The following SP2 variants were observed in gnomAD, a reference collection of about 807,000 sequenced individuals.
The protein encoded by SP2 is Sp2 transcription factor, also known as transcription factor Sp2.
Under a neutral mutation model 50.1 loss-of-function variants are expected in SP2, and 9 were observed. That is an observed-to-expected ratio of 0.18 (90% confidence interval 0.11 to 0.31). The LOEUF (loss-of-function observed/expected upper bound fraction) is 0.31. Ranked by LOEUF, SP2 falls within the 10% of genes least tolerant of loss-of-function variation. The probability of loss-of-function intolerance (pLI) is 1.00; values close to 1 mark genes in which losing one functional copy is unlikely to be tolerated. For missense variants in SP2, 581 were observed against 806.5 expected (o/e 0.72, Z 3.39); for synonymous variants, 313 against 326.6 (o/e 0.96, Z 0.45).
At chr17:47,925,930 T>TTTTTTC (rs2035628780) in intron 6 of SP2, among the ~76,000 whole-genome samples, 1 of 107,082 alleles carries the variant, frequency 9.3e-6, no homozygotes, top group African/African-American at 3.4e-5. Context: ...TTTTTTTTTT[T>TTTTTTC]TTTGGAGATG....
At chr17:47,924,303 T>G (rs2035568419) in intron 4 of SP2, among the ~76,000 whole-genome samples, 1 of 139,644 alleles carries the variant, frequency 7.2e-6, no homozygotes, top group Non-Finnish European at 1.5e-5. Flanking sequence ...GCCCGGCCAA[T>G]TTTTTAGTTT....
Position 47,899,234 on chromosome 17 carries a change from C to G in SP2, c.7+2941C>G, listed in dbSNP as rs550913430. On this transcript the variant is annotated intron_variant, in intron 1 of 6. Coordinates refer to ENST00000376741, the MANE Select transcript of SP2 (RefSeq NM_003110.6). Reference sequence around the variant, plus strand: ...TGCTCTTCCTCAATTATCAGCAGATCTTTTTTTGGCTAGCAGCATTCTCTT... The same window carrying G: ...TGCTCTTCCTCAATTATCAGCAGATGTTTTTTTGGCTAGCAGCATTCTCTT... The G allele has an allele frequency of 3.9e-5, 6 of 152,272 alleles. No individual in the cohort carries two copies. The East Asian group carries it at 1.2e-3, about 29-fold the overall frequency. 9.4% of individuals were successfully genotyped at this position (152,272 alleles called of 1,614,324 possible). A position where few individuals can be genotyped will look rare whatever the true frequency, so the allele number is the denominator to read the frequency against.
intron 1 of SP2, among the ~76,000 whole-genome samples, chr17:47,907,139 A>G (rs904470226): frequency 6.6e-6 from 1 of 152,012 alleles, no homozygotes; most frequent in African/African-American, 2.4e-5. Flanking sequence ...GCCAGGGTGG[A>G]TGTCCTAATG....
At chr17:47,927,145 T>C (rs1374463208) in intron 6 of SP2, among the ~76,000 whole-genome samples, 1 of 152,116 alleles carries the variant, frequency 6.6e-6, no homozygotes, top group Non-Finnish European at 1.5e-5. Context: ...GGAAGACTCT[T>C]AGGTGCAGAG....
At chr17:47,920,399 G>C (rs1466408220) in intron 3 of SP2, among the ~76,000 whole-genome samples, 1 of 151,250 alleles carries the variant, frequency 6.6e-6, no homozygotes, top group Non-Finnish European at 1.5e-5. Flanking sequence ...AAGCAATTCT[G>C]CCTCAGCCTC....
At chr17:47,922,638 T>C (rs1598163415) in intron 3 of SP2, among the ~76,000 whole-genome samples, 1 of 152,260 alleles carries the variant, frequency 6.6e-6, no homozygotes, top group African/African-American at 2.4e-5. Flanking sequence ...TCTTAAAAAC[T>C]AAAGTGAACC....
intron 1 of SP2, among the ~76,000 whole-genome samples, chr17:47,903,423 T>C (rs1888079373): frequency 6.6e-6 from 1 of 151,558 alleles, no homozygotes; most frequent in Admixed American, 6.6e-5. Flanking sequence ...CCCAGCACTT[T>C]GGGAGGCCGA....
At chr17:47,900,347 C>T (rs181147199) in intron 1 of SP2, 1 of 152,314 alleles carries the variant, frequency 6.6e-6, no homozygotes, top group African/African-American at 2.4e-5. Flanking sequence ...TCTCTGCTCT[C>T]AATTGATAAT....
At position 47,927,938 on chromosome 17, in the gene SP2, G is replaced by C; in HGVS notation, c.*114G>C. 1 of 670,352 alleles carries C rather than the reference G, an allele frequency of 1.5e-6. No homozygotes were observed. Among genetic ancestry groups the C allele is most frequent in the South Asian group, 1.7e-5 (1 of 58,712 alleles). The allele number at this position is 670,352 out of a possible 1,614,324, so 41.5% of individuals were successfully genotyped here. A position where few individuals can be genotyped will look rare whatever the true frequency, so the allele number is the denominator to read the frequency against. ...TGGGCCTGCCCTCAGCCCCACTCCT[G>C]TTCTGCAACTGTCCCCACAGGAAGG... is the stretch of plus-strand genomic sequence containing the variant. On this transcript the variant is annotated 3_prime_UTR_variant, in exon 7 of 7. Coordinates refer to ENST00000376741, the MANE Select transcript of SP2 (RefSeq NM_003110.6).
chr17:47,896,630 C>T (rs2034345438), intron 1 of SP2, among the ~76,000 whole-genome samples: 2 of 152,204 alleles, frequency 1.3e-5, no homozygotes, highest in Non-Finnish European at 2.9e-5. Flanking sequence ...ACTTCAACGC[C>T]GCTCTCCCGC....
chr17:47,918,114 GT>G (rs371216794), intron 3 of SP2, among the ~76,000 whole-genome samples: 3,490 of 144,356 alleles, frequency 0.024, 95 homozygotes, highest in African/African-American at 0.067. Context: ...AAATTGAGGA[GT>G]TTTTTTTTTT....
Position 47,916,884 on chromosome 17 carries a change from G to A in SP2, c.813G>A (p.Glu271=). The stretch of plus-strand genomic sequence containing the variant: ...AGCAGGTGGAGACGGTGCTGATCGA[G>A]ACCACCGCGGACAACATCATCCAGG... The part of the protein sequence containing the change: ...VAEQVETVLI[E]TTADNIIQAG... The change falls in exon 3 of 7, where the codon GAG becomes GAA. Residue 271 remains glutamate, a synonymous_variant. Transcript: ENST00000376741. This position sits in a 1 kb window ranked among gnomAD's most constrained non-coding sequence, Gnocchi z 4.7. 6.2e-7 allele frequency: 1 copy of A among 1,614,188 alleles called. No homozygotes were observed. The highest frequency in any genetic ancestry group is 2.2e-5 in the East Asian group (1 of 44,882).
At chr17:47,919,977 C>T (rs1284765826) in intron 3 of SP2, among the ~76,000 whole-genome samples, 1 of 151,758 alleles carries the variant, frequency 6.6e-6, no homozygotes, top group Non-Finnish European at 1.5e-5. Context: ...GCTGGGATTA[C>T]AGGCGCGTGC....
chr17:47,917,089 C>G lies in SP2; in HGVS notation c.1018C>G (p.Gln340Glu). Residue 340 changes from glutamine to glutamate, a missense_variant, in exon 3 of 7, where the codon CAG becomes GAG. Around this residue, in one of 2 missense-constraint regions of SP2, gnomAD observed 397 missense variants for 491.0 expected, o/e 0.81. Transcript: ENST00000376741. ...CCCCACTGTACCCCAGAAGCCCTCC[C>G]AGAACTTTCAGATCCAGGCAGCTGA... The part of the protein sequence containing the change: ...TLPTVPQKPS[Q>E]NFQIQAAEPT... 6.2e-7 allele frequency: 1 copy of G among 1,612,970 alleles called. No individual in the cohort carries two copies. The highest frequency in any genetic ancestry group is 8.5e-7 in the Non-Finnish European group (1 of 1,179,626).
chr17:47,931,681 A>G (rs2035822056), downstream of SP2, among the ~76,000 whole-genome samples: 1 of 152,190 alleles, frequency 6.6e-6, no homozygotes, highest in South Asian at 2.1e-4. Flanking sequence ...GATTATTTCA[A>G]TTCTGAATAA....
At position 47,927,985 on chromosome 17, in the gene SP2, C is replaced by T; in HGVS notation, c.*161C>T. The T allele has an allele frequency of 6.6e-6, 4 of 603,480 alleles. No individual in the cohort carries two copies. Among genetic ancestry groups the T allele is most frequent in the South Asian group, 3.9e-5 (2 of 50,836 alleles). The allele number at this position is 603,480 out of a possible 1,614,324, so 37.4% of individuals were successfully genotyped here. On this transcript the variant is annotated 3_prime_UTR_variant, in exon 7 of 7. Transcript: ENST00000376741. ...AAGGGGCTCTGTTCCCTGTATTGTCCTCCTTCTGAAGCCCCTTGGCTCTGC... is the reference window on the plus strand; with the variant it reads ...AAGGGGCTCTGTTCCCTGTATTGTCTTCCTTCTGAAGCCCCTTGGCTCTGC...
intron 2 of SP2, among the ~76,000 whole-genome samples, chr17:47,915,952 G>A (rs1203111934): frequency 6.6e-6 from 1 of 152,044 alleles, no homozygotes; most frequent in Non-Finnish European, 1.5e-5. Flanking sequence ...GAAAGACATT[G>A]CCCACCTTTT....
chr17:47,920,545 C>G (rs572108108), intron 3 of SP2, among the ~76,000 whole-genome samples: 1 of 152,160 alleles, frequency 6.6e-6, no homozygotes, highest in African/African-American at 2.4e-5. Flanking sequence ...CTCAGCCTCC[C>G]AAAGTGCTGG....
intron 1 of SP2, among the ~76,000 whole-genome samples, chr17:47,902,917 G>A (rs891350966): frequency 1.3e-5 from 2 of 152,088 alleles, no homozygotes; most frequent in Admixed American, 6.5e-5. Flanking sequence ...CACCACGCCC[G>A]GCTAATTTTT....
Sources: allele counts gnomAD v4.1 joint callset (sites outside exome capture counted in the v4.1 genomes callset), GRCh38; gene constraint gnomAD v4.1.1; regional missense constraint gnomAD v4.1.1; non-coding constraint Gnocchi (gnomAD v3.1); transcripts MANE v1.5; gene names NCBI Gene and HGNC (gene_info 2026-07-23, HGNC 2026-07-21).